ZNF385B: variants seen among roughly 807,000 people sequenced by gnomAD.
The protein encoded by ZNF385B is zinc finger protein 533.
ZNF385B carries 23 observed loss-of-function variants against 39.2 expected under a neutral mutation model. The ratio of observed to expected loss-of-function variants is 0.59; its 90% CI spans 0.42 to 0.83. The LOEUF (loss-of-function observed/expected upper bound fraction) is 0.83, where lower values mean the gene tolerates loss of function less well. Among genes scored for constraint, ZNF385B ranks in the 40% least tolerant of loss-of-function variants. The pLI, the probability that ZNF385B is intolerant of heterozygous loss-of-function variation, is 0.00. For missense variants in ZNF385B, 552 were observed against 598.9 expected, an observed-to-expected ratio of 0.92 and a Z score of 0.82; for synonymous variants, 205 against 222.6, an observed-to-expected ratio of 0.92 and a Z score of 0.70.
intron 5 of ZNF385B, among the ~76,000 whole-genome samples, chr2:179,512,624 C>G (rs991638204): frequency 6.6e-6 from 1 of 152,124 alleles, no homozygotes; most frequent in Non-Finnish European, 1.5e-5. Flanking sequence ...TTGCAGTATA[C>G]TCAGTTACTG....
intron 3 of ZNF385B, among the ~76,000 whole-genome samples, chr2:179,682,197 T>C (rs1697572744): frequency 1.3e-5 from 2 of 152,214 alleles, no homozygotes; most frequent in African/African-American, 4.8e-5. Context: ...TTACTTATTA[T>C]AGTGTTCCTC....
chr2:179,772,683 C>G (rs11673837), intron 1 of ZNF385B, among the ~76,000 whole-genome samples: 59,293 of 152,028 alleles, frequency 0.39, 11,829 homozygotes, highest in East Asian at 0.59. Context: ...TAAGGGGAAA[C>G]TAACAGTGAG....
chr2:179,443,936 G>A (rs927578971), intron 9 of ZNF385B, among the ~76,000 whole-genome samples: 1 of 152,206 alleles, frequency 6.6e-6, no homozygotes, highest in Non-Finnish European at 1.5e-5. Flanking sequence ...ACCCTGAAGA[G>A]TCAAGAAAAC....
At chr2:179,812,223 G>A (rs537996521) in intron 1 of ZNF385B, among the ~76,000 whole-genome samples, 2 of 152,274 alleles carry the variant, frequency 1.3e-5, no homozygotes, top group Non-Finnish European at 2.9e-5. Flanking sequence ...ACTGGGGAAA[G>A]CAGTTTGGAG....
At chr2:179,794,955 TGAG>T (rs922355121) in intron 1 of ZNF385B, among the ~76,000 whole-genome samples, 3 of 151,970 alleles carry the variant, frequency 2.0e-5, no homozygotes, top group African/African-American at 7.3e-5. Flanking sequence ...GAAGAGTATG[TGAG>T]GAGGAGAATT....
At chr2:179,541,414 T>C (rs2059912303) in intron 4 of ZNF385B, among the ~76,000 whole-genome samples, 1 of 152,192 alleles carries the variant, frequency 6.6e-6, no homozygotes, top group African/African-American at 2.4e-5. Context: ...CATACTTCAC[T>C]ATAAGAAAGA....
Position 179,782,614 on chromosome 2 carries a change from A to G in ZNF385B, c.-154-11942T>C, listed in dbSNP as rs577604947. ...TCTCAGCCAAAATCTCCTTCAGCTG[A>G]TAAACAACTTCAGCAAAGTTTCAGG... On this transcript the variant is annotated intron_variant, in intron 1 of 9. Transcript: ENST00000410066. 6.4e-4 allele frequency among the ~76,000 whole-genome samples: 98 copies of G among 152,326 alleles called. 1 individual carries two copies. The highest frequency in any genetic ancestry group is 2.2e-3 in the African/African-American group (93 of 41,578).
At chr2:179,696,203 G>A (rs991725282) in intron 3 of ZNF385B, among the ~76,000 whole-genome samples, 1 of 151,956 alleles carries the variant, frequency 6.6e-6, no homozygotes, top group Admixed American at 6.6e-5. Flanking sequence ...TTACTGTGGT[G>A]ATGATCGTAT....
intron 5 of ZNF385B, among the ~76,000 whole-genome samples, chr2:179,492,496 A>G (rs1054775885): frequency 2.6e-5 from 4 of 152,200 alleles, no homozygotes; most frequent in South Asian, 2.1e-4. Context: ...TACATAAATA[A>G]TACAAAATAA....
At chr2:179,475,748 A>G in intron 6 of ZNF385B, among the ~76,000 whole-genome samples, 2 of 86 alleles carry the variant, frequency 0.023, no homozygotes, top group Admixed American at 0.062. Context: ...TTTTTCACTG[A>G]AACATGTCGA....
chr2:179,689,783 A>G (rs368062476), intron 3 of ZNF385B, among the ~76,000 whole-genome samples: 1 of 130,014 alleles, frequency 7.7e-6, no homozygotes, highest in East Asian at 2.2e-4. Flanking sequence ...GGGCAGGGGC[A>G]TGTGTGTGTG....
At chr2:179,640,507 G>T (rs1488987531) in intron 3 of ZNF385B, among the ~76,000 whole-genome samples, 1 of 151,996 alleles carries the variant, frequency 6.6e-6, no homozygotes, top group Non-Finnish European at 1.5e-5. Context: ...ATGCAAGTGT[G>T]GAAAAACTAA....
At chr2:179,807,325 C>T (rs779198841) in intron 1 of ZNF385B, among the ~76,000 whole-genome samples, 21 of 152,118 alleles carry the variant, frequency 1.4e-4, no homozygotes, top group Non-Finnish European at 2.6e-4. Context: ...AGGCTGGGCA[C>T]GGTGGCTCAC....
chr2:179,509,893 T>A (rs764133848), intron 5 of ZNF385B, among the ~76,000 whole-genome samples: 2 of 152,228 alleles, frequency 1.3e-5, no homozygotes, highest in Non-Finnish European at 2.9e-5. Flanking sequence ...TTTAATCACC[T>A]GCTGCAGAGT....
chr2:179,674,814 A>G (rs576445421), intron 3 of ZNF385B, among the ~76,000 whole-genome samples: 7 of 152,236 alleles, frequency 4.6e-5, no homozygotes, highest in Non-Finnish European at 1.0e-4. Context: ...GGGAAAACTG[A>G]ATAGAGGGAC....
chr2:179,745,501 G>C (rs924517502), intron 3 of ZNF385B, among the ~76,000 whole-genome samples: 1 of 152,172 alleles, frequency 6.6e-6, no homozygotes, highest in Admixed American at 6.5e-5. Flanking sequence ...AGCACAGAAA[G>C]AAAGGGATGG....
Position 179,468,140 on chromosome 2 carries a change from C to T in ZNF385B, c.715+15132G>A, listed in dbSNP as rs567716140. 7.2e-5 allele frequency among the ~76,000 whole-genome samples: 11 copies of T among 152,338 alleles called. No homozygotes were observed. The South Asian group carries it at 2.1e-3, about 29-fold the overall frequency. ...GGAAGCACAAGCTGCCAGCCTCACA[C>T]TCAGATAAAACAATGGCATCTCCAA... On this transcript the variant is annotated intron_variant, in intron 6 of 9. Transcript: ENST00000410066.
At chr2:179,774,356 G>T (rs1359658892) in intron 1 of ZNF385B, among the ~76,000 whole-genome samples, 1 of 151,256 alleles carries the variant, frequency 6.6e-6, no homozygotes, top group East Asian at 1.9e-4. Context: ...CAAGGTCAAT[G>T]TTTTCTTTTT....
chr2:179,582,884 T>C (rs1686690932), intron 3 of ZNF385B, among the ~76,000 whole-genome samples: 1 of 152,198 alleles, frequency 6.6e-6, no homozygotes, highest in Non-Finnish European at 1.5e-5. Flanking sequence ...AGTTTCGCTG[T>C]TATTGCCCAG....
Sources: gnomAD v4.1 joint callset for allele counts (sites outside exome capture counted in the v4.1 genomes callset) on GRCh38, gnomAD v4.1.1 for gene constraint, MANE v1.5 for transcripts, NCBI Gene and HGNC (gene_info 2026-07-23, HGNC 2026-07-21) for gene names.